ALLC: variants seen among roughly 807,000 people sequenced by gnomAD.
The protein encoded by ALLC is allantoicase.
In ALLC, 40 loss-of-function variants were observed where a neutral mutation model predicts 45.0. That is an observed-to-expected ratio of 0.89 (90% CI 0.69 to 1.16). The LOEUF (loss-of-function observed/expected upper bound fraction) is 1.16, where lower values mean the gene tolerates loss of function less well. ALLC is among the 50% of genes most tolerant of loss of function. The pLI, the probability that ALLC is intolerant of heterozygous loss-of-function variation, is 0.00. For missense variants in ALLC, 488 were observed against 493.1 expected, an observed-to-expected ratio of 0.99 and a Z score of 0.10; for synonymous variants, 176 against 178.1, an observed-to-expected ratio of 0.99 and a Z score of 0.09.
upstream of ALLC, among the ~76,000 whole-genome samples, chr2:3,657,204 G>T (rs34629504): frequency 6.6e-6 from 1 of 150,858 alleles, no homozygotes; most frequent in African/African-American, 2.5e-5. Context: ...TCCTAACTAC[G>T]GCTGGGTGGC....
intron 4 of ALLC, 72 bp downstream of exon 4, chr2:3,678,627 C>T: frequency 7.6e-7 from 1 of 1,307,520 alleles, no homozygotes. Flanking sequence ...GTGGCAAAGC[C>T]AGTGTCCGTT....
chr2:3,650,781 A>G, the ALLC span, among the ~76,000 whole-genome samples: 119,432 of 152,192 alleles, frequency 0.78, 47,072 homozygotes, highest in South Asian at 0.84. Context: ...ACCCTCCACC[A>G]GGCTTCATGG....
chr2:3,696,151 T>G, intron 8 of ALLC, 124 bp from the exon 9 acceptor site: 1 of 860,354 alleles, frequency 1.2e-6, no homozygotes, highest in Non-Finnish European at 1.8e-6. Context: ...AACATTAACT[T>G]TAATGAAAAT....
chr2:3,656,924 A>G (rs1321342289), upstream of ALLC, among the ~76,000 whole-genome samples: 1 of 152,104 alleles, frequency 6.6e-6, no homozygotes, highest in African/African-American at 2.4e-5. Flanking sequence ...GGATAAAAAT[A>G]GGCCCTTCTG....
At chr2:3,695,950 AT>A in intron 8 of ALLC, 78 bp downstream of exon 8, 1 of 1,417,120 alleles carries the variant, frequency 7.1e-7, no homozygotes. Context: ...GGTCAGAGTG[AT>A]TTAAAAGGAA....
chr2:3,663,468 T>G (rs1299222012), intron 1 of ALLC, among the ~76,000 whole-genome samples: 1 of 152,038 alleles, frequency 6.6e-6, no homozygotes, highest in Non-Finnish European at 1.5e-5. Context: ...AGCTAATGGG[T>G]GCTGGGCTTA....
chr2:3,668,839 G>A (rs894692862), intron 1 of ALLC, among the ~76,000 whole-genome samples: 21 of 151,378 alleles, frequency 1.4e-4, no homozygotes, highest in Admixed American at 5.9e-4. Context: ...GCCTCCCAAA[G>A]TGTTGGGATT....
chr2:3,654,297 G>A (rs993045144), upstream of ALLC, among the ~76,000 whole-genome samples: 1 of 152,220 alleles, frequency 6.6e-6, no homozygotes, highest in Non-Finnish European at 1.5e-5. Context: ...GAGGAGAGGC[G>A]GTGGACTGCG....
chr2:3,689,202 T>C (rs1351788852), intron 7 of ALLC, among the ~76,000 whole-genome samples: 1 of 151,054 alleles, frequency 6.6e-6, no homozygotes, highest in Non-Finnish European at 1.5e-5. Context: ...TGTATTATTT[T>C]AGTTGCCATT....
At chr2:3,691,105 ATT>A (rs1171726258) in intron 7 of ALLC, among the ~76,000 whole-genome samples, 1 of 151,746 alleles carries the variant, frequency 6.6e-6, no homozygotes, top group Non-Finnish European at 1.5e-5. Flanking sequence ...GGATGGCAGT[ATT>A]TTTTTCTTTC....
intron 1 of ALLC, among the ~76,000 whole-genome samples, chr2:3,659,042 G>A (rs2147989519): frequency 6.6e-6 from 1 of 152,244 alleles, no homozygotes; most frequent in South Asian, 2.1e-4. Flanking sequence ...CCTGCTCAAG[G>A]TCACTCTAAT....
intron 1 of ALLC, among the ~76,000 whole-genome samples, chr2:3,661,911 T>A (rs1408728362): frequency 2.6e-5 from 4 of 152,104 alleles, no homozygotes; most frequent in African/African-American, 4.8e-5. Context: ...GTGGGCTGGG[T>A]TCCCCCTCAG....
intron 1 of ALLC, among the ~76,000 whole-genome samples, chr2:3,658,916 G>T (rs987015405): frequency 6.6e-6 from 1 of 151,144 alleles, no homozygotes; most frequent in Non-Finnish European, 1.5e-5. Context: ...TAAGGCCATG[G>T]TGAAGTAAAC....
chr2:3,695,885 T>G lies in ALLC; in HGVS notation c.667+13T>G. The stretch of plus-strand genomic sequence containing the variant: ...AACAATATAATAGGTAAGATGATAT[T>G]CTTGGAGCTGGCTTATTTAGGAAGT... On this transcript the variant is annotated intron_variant, in intron 8 of 11. Transcript: ENST00000252505. The G allele has an allele frequency of 6.3e-7, 1 of 1,592,626 alleles. No individual in the cohort carries two copies. The highest frequency in any genetic ancestry group is 8.5e-7 in the Non-Finnish European group (1 of 1,170,962).
chr2:3,662,041 C>T (rs1666590704), intron 1 of ALLC, among the ~76,000 whole-genome samples: 2 of 152,216 alleles, frequency 1.3e-5, no homozygotes, highest in Admixed American at 6.5e-5. Context: ...AGTCTCTGCC[C>T]ATGAGCCCTG....
At chr2:3,662,992 G>A (rs1666611921) in intron 1 of ALLC, among the ~76,000 whole-genome samples, 1 of 152,180 alleles carries the variant, frequency 6.6e-6, no homozygotes, top group Non-Finnish European at 1.5e-5. Flanking sequence ...ACTTTCCATG[G>A]GGAGTATGGA....
chr2:3,695,736 T>TA lies in ALLC; in HGVS notation c.532dup (p.Arg178LysfsTer14), dbSNP rs1667647340. 2 of 1,613,978 alleles carry TA rather than the reference T, an allele frequency of 1.2e-6. No individual in the cohort carries two copies. The highest frequency in any genetic ancestry group is 1.7e-6 in the Non-Finnish European group (2 of 1,179,892). On this transcript the variant is annotated frameshift_variant, in exon 8 of 12. Coordinates refer to ENST00000252505, the MANE Select transcript of ALLC (RefSeq NM_018436.4). LOFTEE classifies it high-confidence loss of function. ...TTTCAGATGGTGGAATTGCACGACT[T>TA]AGAGTATTCGGTACTGGACAAAAAG...
chr2:3,677,573 G>A (rs1280412527), intron 3 of ALLC, among the ~76,000 whole-genome samples: 2 of 152,232 alleles, frequency 1.3e-5, no homozygotes, highest in Admixed American at 6.5e-5. Flanking sequence ...TTTGACAGAG[G>A]AGGAGCACTG....
intron 9 of ALLC, among the ~76,000 whole-genome samples, chr2:3,696,857 CA>C (rs1667688107): frequency 6.6e-6 from 1 of 152,112 alleles, no homozygotes; most frequent in African/African-American, 2.4e-5. Flanking sequence ...CAAATCCCAC[CA>C]AAAACTTGGT....
Sources: gnomAD v4.1 joint callset for allele counts (sites outside exome capture counted in the v4.1 genomes callset) on GRCh38, gnomAD v4.1.1 for gene constraint, MANE v1.5 for transcripts, NCBI Gene and HGNC (gene_info 2026-07-23, HGNC 2026-07-21) for gene names.